SVIL: variants seen among roughly 807,000 people sequenced by gnomAD.
SVIL encodes supervillin.
SVIL carries 101 observed loss-of-function variants against 240.4 expected under a neutral mutation model. That is an observed-to-expected ratio of 0.42 (90% CI 0.36 to 0.50). The LOEUF is 0.50. Among genes scored for constraint, SVIL ranks in the 20% least tolerant of loss-of-function variants. The pLI, the probability that SVIL is intolerant of heterozygous loss-of-function variation, is 0.01. For synonymous variants in SVIL, 999 were observed against 1,100.0 expected (o/e 0.91, Z 1.82); for missense variants, 2,512 against 2,818.7 (o/e 0.89, Z 2.46).
At chr10:29,539,196 T>G (rs147620693) in intron 6 of SVIL, among the ~76,000 whole-genome samples, 1 of 150,944 alleles carries the variant, frequency 6.6e-6, no homozygotes, top group African/African-American at 2.4e-5. Flanking sequence ...AATAAATAAA[T>G]AAACAAACAA....
chr10:29,623,590 C>T (rs1433994960), intron 1 of SVIL, among the ~76,000 whole-genome samples: 1 of 152,190 alleles, frequency 6.6e-6, no homozygotes, highest in African/African-American at 2.4e-5. Context: ...GAGGCTCACG[C>T]CTGTAATCCC....
At position 29,678,372 on chromosome 10, in the gene SVIL, A is replaced by G. The variant is rs551880405; in HGVS notation, c.-301+8181T>C. ...TGCAACCTAGCTCCCTCAAATGCGCAGTTCACAATAGGGTTCATGCTCCTA... is the reference window on the plus strand; with the variant it reads ...TGCAACCTAGCTCCCTCAAATGCGCGGTTCACAATAGGGTTCATGCTCCTA... On this transcript the variant is annotated intron_variant, in intron 2 of 35. Transcript: ENST00000375400. Among the ~76,000 whole-genome samples the G allele has an allele frequency of 2.0e-5, 3 of 152,148 alleles. No individual in the cohort carries two copies. In the South Asian group the frequency reaches 6.2e-4, roughly 32 times the overall value.
chr10:29,585,503 CA>C (rs2132780034), intron 1 of SVIL, among the ~76,000 whole-genome samples: 1 of 152,176 alleles, frequency 6.6e-6, no homozygotes, highest in East Asian at 1.9e-4. Flanking sequence ...ATTTTTTTAA[CA>C]AGAGGAGAAA....
At chr10:29,477,189 GTTACCTAA>G (rs979232817) in intron 29 of SVIL, among the ~76,000 whole-genome samples, 2 of 152,206 alleles carry the variant, frequency 1.3e-5, no homozygotes, top group African/African-American at 4.8e-5. Flanking sequence ...ACCTTGATTA[GTTACCTAA>G]TTTAAAGTGT....
chr10:29,458,580 C>T lies in SVIL; in HGVS notation c.6412G>A (p.Val2138Ile). The change falls in exon 37 of 38, where the codon GTT becomes ATT. Residue 2138 changes from valine (V) to isoleucine (I), a missense_variant. Transcript: ENST00000355867. ...IAEITEMDTE[V>I]SNQITLVEDV... Reference sequence around the variant, plus strand: ...TCCACGAGGGTGATCTGATTGGAAACTTCCGTGTCCTAGAGAAGAGGAGGG... The same window carrying T: ...TCCACGAGGGTGATCTGATTGGAAATTTCCGTGTCCTAGAGAAGAGGAGGG... 2 of 1,612,570 alleles carry T rather than the reference C, an allele frequency of 1.2e-6. No individual in the cohort carries two copies. Among genetic ancestry groups the T allele is most frequent in the Middle Eastern group, 3.3e-4 (2 of 6,042 alleles).
Position 29,458,481 on chromosome 10 carries a change from C to A in SVIL, c.6511G>T (p.Val2171Phe). Residue 2171 changes from valine (V) to phenylalanine (F), a missense_variant, in exon 37 of 38, where the codon GTC becomes TTC. Around this residue, in one of 3 missense-constraint regions of SVIL, gnomAD observed 797 missense variants for 925.3 expected, o/e 0.86. Transcript: ENST00000355867. ...DLLARPLPEG[V>F]DPLKLEIYLT... ...TAGATCTCAAGCTTCAGAGGATCGA[C>A]CCCCTCCGGGAGTGGCCTGGCCAGG... 1.3e-6 allele frequency: 2 copies of A among 1,582,138 alleles called. No homozygotes were observed. The highest frequency in any genetic ancestry group is 1.7e-6 in the Non-Finnish European group (2 of 1,164,104).
Position 29,555,755 on chromosome 10 carries a change from T to C in SVIL, c.-50-647A>G, listed in dbSNP as rs116794719. ...AACAAAGTATTCTAAGCTTCTATTA[T>C]GGAAATCATTTACAGAAGTATAGAC... On this transcript the variant is annotated intron_variant, in intron 3 of 37. Transcript: ENST00000355867. Among the ~76,000 whole-genome samples the C allele has an allele frequency of 9.0e-3, 1,375 of 152,314 alleles. 20 individuals are homozygous for C. The highest frequency in any genetic ancestry group is 0.031 in the African/African-American group (1,268 of 41,550).
intron 2 of SVIL, among the ~76,000 whole-genome samples, chr10:29,679,026 TG>T (rs1589499951): frequency 6.6e-6 from 1 of 152,096 alleles, no homozygotes; most frequent in East Asian, 1.9e-4. Flanking sequence ...GCCAATATGG[TG>T]AAACCCCATC....
intron 1 of SVIL, among the ~76,000 whole-genome samples, chr10:29,589,294 A>G (rs1217243799): frequency 6.6e-6 from 1 of 152,046 alleles, no homozygotes; most frequent in Non-Finnish European, 1.5e-5. Context: ...CTCAGCTCAC[A>G]CTCACCTTTG....
rs201686687 is a variant in SVIL at position 29,488,564 on chromosome 10, G to A, written c.4348+37C>T. ...CCGTATGGGACCAGACAGAAACCAC[G>A]GGCCCTGAGTCACCGTGCCAGGCTG... On this transcript the variant is annotated intron_variant, in intron 23 of 37. Coordinates refer to ENST00000355867, the MANE Select transcript of SVIL (RefSeq NM_021738.3). 1,270 of 1,520,976 alleles carry A rather than the reference G, an allele frequency of 8.3e-4. 21 individuals carry two copies. The South Asian group carries it at 0.015, about 18-fold the overall frequency. The allele number at this position is 1,520,976 out of a possible 1,614,324, so 94.2% of individuals were successfully genotyped here.
At chr10:29,498,366 C>T (rs911873909) in intron 18 of SVIL, among the ~76,000 whole-genome samples, 7 of 150,748 alleles carry the variant, frequency 4.6e-5, no homozygotes, top group South Asian at 2.1e-4. Context: ...TGCAGTGAGC[C>T]GAGATCACAC....
intron 1 of SVIL, among the ~76,000 whole-genome samples, chr10:29,733,168 A>G (rs1964714747): frequency 6.6e-6 from 1 of 152,176 alleles, no homozygotes; most frequent in Admixed American, 6.5e-5. Context: ...GGATGAGGGG[A>G]GGAAGGGAAG....
Position 29,677,551 on chromosome 10 carries a change from G to C in SVIL, c.-301+9002C>G, listed in dbSNP as rs7084071. On this transcript the variant is annotated intron_variant, in intron 2 of 35. Coordinates refer to the SVIL transcript ENST00000375400. ...TAATCCTCCTGCCTCAGCCTCCTAA[G>C]TAGCTGGGACTATAGCTGTGCAGCA... Among the ~76,000 whole-genome samples the C allele has an allele frequency of 6.8e-3, 1,036 of 152,222 alleles. 9 individuals carry two copies. Among genetic ancestry groups the C allele is most frequent in the African/African-American group, 0.024 (984 of 41,518 alleles).
chr10:29,625,899 C>T (rs773164350), intron 1 of SVIL, among the ~76,000 whole-genome samples: 2 of 152,216 alleles, frequency 1.3e-5, no homozygotes, highest in East Asian at 1.9e-4. Context: ...GGAACCATGC[C>T]GGGTTTTTTG....
At chr10:29,697,050 T>C (rs1216852567) in intron 1 of SVIL, among the ~76,000 whole-genome samples, 2 of 129,780 alleles carry the variant, frequency 1.5e-5, no homozygotes, top group African/African-American at 6.0e-5. Flanking sequence ...AGCCGCCCCG[T>C]CCGGGAGGTG....
At chr10:29,638,700 T>C (rs1020828776), upstream of SVIL, among the ~76,000 whole-genome samples, 15 of 152,146 alleles carry the variant, frequency 9.9e-5, no homozygotes, top group South Asian at 6.2e-4. Context: ...AATCCGAAAG[T>C]AAAATATTTG....
intron 6 of SVIL, among the ~76,000 whole-genome samples, chr10:29,550,097 C>T (rs1204909816): frequency 3.2e-5 from 4 of 123,928 alleles, no homozygotes; most frequent in African/African-American, 1.2e-4. Flanking sequence ...AGAAAAAGAA[C>T]ATGAGGCTTC....
intron 3 of SVIL, among the ~76,000 whole-genome samples, chr10:29,653,256 A>T (rs930801188): frequency 6.6e-6 from 1 of 152,056 alleles, no homozygotes; most frequent in African/African-American, 2.4e-5. Context: ...TGTTCTTGTG[A>T]TGGTGAGTTC....
chr10:29,527,622 T>A (rs1951021135), intron 12 of SVIL, among the ~76,000 whole-genome samples: 1 of 151,540 alleles, frequency 6.6e-6, no homozygotes, highest in Admixed American at 6.6e-5. Context: ...AGATGAGGTT[T>A]CACCATGTTG....
Sources: gnomAD v4.1 joint callset for allele counts (sites outside exome capture counted in the v4.1 genomes callset) on GRCh38, gnomAD v4.1.1 for gene constraint, gnomAD v4.1.1 regional missense constraint, MANE v1.5 for transcripts, NCBI Gene and HGNC (gene_info 2026-07-23, HGNC 2026-07-21) for gene names.